FCHSD2: variants seen among roughly 807,000 people sequenced by gnomAD.
FCHSD2 encodes F-BAR and double SH3 domains protein 2.
FCHSD2 carries 38 observed loss-of-function variants against 108.1 expected under a neutral mutation model. The ratio of observed to expected loss-of-function variants is 0.35; its 90% CI spans 0.27 to 0.46. FCHSD2 has a LOEUF of 0.46. Among genes scored for constraint, FCHSD2 ranks in the 20% least tolerant of loss-of-function variants. The pLI is 1.00. For missense variants in FCHSD2, 751 were observed against 897.8 expected, an observed-to-expected ratio of 0.84 and a Z score of 2.09; for synonymous variants, 279 against 314.7, an observed-to-expected ratio of 0.89 and a Z score of 1.20.
At chr11:72,957,389 T>C (rs1337850465) in intron 8 of FCHSD2, among the ~76,000 whole-genome samples, 1 of 151,412 alleles carries the variant, frequency 6.6e-6, no homozygotes, top group Non-Finnish European at 1.5e-5. Context: ...CTGCATAGTA[T>C]TCCATGGTGT....
chr11:72,841,566 C>T lies in FCHSD2; in HGVS notation c.1944G>A (p.Lys648=). ...GCAGTGGAGGCAGGGAGGCGTGTGG[C>T]TTGGGGGAAGGAGAGATCTGCAGCA... ...MREIQISPSP[K]PHASLPPLPL... is the part of the protein sequence containing the mutation. Residue 648 remains lysine, a synonymous_variant, in exon 18 of 20, where the codon AAG becomes AAA. Coordinates refer to ENST00000409418, the MANE Select transcript of FCHSD2 (RefSeq NM_014824.3). 1.2e-6 allele frequency: 2 copies of T among 1,607,916 alleles called. No individual in the cohort carries two copies. Among genetic ancestry groups the T allele is most frequent in the East Asian group, 2.2e-5 (1 of 44,776 alleles).
At chr11:72,900,291 G>A in intron 10 of FCHSD2, 1 of 1,550,202 alleles carries the variant, frequency 6.5e-7, no homozygotes, top group African/African-American at 1.4e-5. Context: ...ACTGACAGGG[G>A]AGAGCTCAAT....
chr11:72,898,186 T>C (rs1013066336), intron 10 of FCHSD2, among the ~76,000 whole-genome samples: 3 of 152,242 alleles, frequency 2.0e-5, no homozygotes, highest in African/African-American at 7.2e-5. Flanking sequence ...ATTGGGTGTC[T>C]TGGACTTTTG....
chr11:72,947,134 TAAC>T (rs1202317022), intron 8 of FCHSD2, among the ~76,000 whole-genome samples: 5 of 152,238 alleles, frequency 3.3e-5, no homozygotes, highest in East Asian at 3.8e-4. Context: ...CAACATCTCT[TAAC>T]AACAATGCTG....
At chr11:72,945,006 C>T (rs1270279612) in intron 8 of FCHSD2, among the ~76,000 whole-genome samples, 2 of 152,186 alleles carry the variant, frequency 1.3e-5, no homozygotes, top group Non-Finnish European at 2.9e-5. Context: ...ATGCCATCCT[C>T]ATCAAGCTAC....
intron 6 of FCHSD2, 35 bp downstream of exon 6, chr11:72,988,929 C>A: frequency 6.4e-7 from 1 of 1,558,518 alleles, no homozygotes; most frequent in South Asian, 1.2e-5. Flanking sequence ...CATTTATTTG[C>A]ATAATAATTT....
chr11:72,957,685 A>G (rs7936863), intron 8 of FCHSD2, among the ~76,000 whole-genome samples: 151,629 of 151,976 alleles, frequency 1, 75,642 homozygotes, highest in Non-Finnish European at 1. Flanking sequence ...TGATTTGGAT[A>G]GCTAGGTAAG....
Position 72,890,473 on chromosome 11 carries a change from A to C in FCHSD2, c.925-528T>G, listed in dbSNP as rs374093062. Reference sequence around the variant, plus strand: ...GAGGTCCACCATCAACTTGCCACCAAACCTCAAAAGCCAGCTTTTGCTCTT... The same window carrying C: ...GAGGTCCACCATCAACTTGCCACCACACCTCAAAAGCCAGCTTTTGCTCTT... On this transcript the variant is annotated intron_variant, in intron 10 of 19. Transcript: ENST00000409418. Among the ~76,000 whole-genome samples the C allele has an allele frequency of 2.8e-4, 43 of 152,200 alleles. No homozygotes were observed. In the South Asian group the frequency reaches 8.1e-3, roughly 29 times the overall value.
intron 2 of FCHSD2, among the ~76,000 whole-genome samples, chr11:73,131,981 T>C (rs186277858): frequency 3.2e-4 from 49 of 152,318 alleles, no homozygotes; most frequent in Non-Finnish European, 6.0e-4. Flanking sequence ...CTGACATCCA[T>C]ATATTTCCAC....
chr11:73,068,832 AG>A (rs1274624513), intron 3 of FCHSD2, among the ~76,000 whole-genome samples: 88 of 147,490 alleles, frequency 6.0e-4, no homozygotes, highest in Non-Finnish European at 8.7e-4. Flanking sequence ...AAAAAAAAAA[AG>A]AAAAAGAAAA....
At chr11:72,922,695 C>T (rs1367505730) in intron 8 of FCHSD2, among the ~76,000 whole-genome samples, 1 of 151,896 alleles carries the variant, frequency 6.6e-6, no homozygotes, top group Admixed American at 6.6e-5. Context: ...GACATATACA[C>T]TAGCAATAAC....
chr11:72,885,861 C>T (rs2135242712), intron 12 of FCHSD2, among the ~76,000 whole-genome samples: 1 of 152,276 alleles, frequency 6.6e-6, no homozygotes, highest in Middle Eastern at 3.4e-3. Flanking sequence ...TCATTGTACA[C>T]CCTGCCCTCC....
chr11:72,951,045 G>C (rs1041345730), intron 8 of FCHSD2, among the ~76,000 whole-genome samples: 3 of 152,138 alleles, frequency 2.0e-5, no homozygotes, highest in Non-Finnish European at 4.4e-5. Context: ...AATGACACAG[G>C]TTTAGCCAGG....
At position 73,027,464 on chromosome 11, in the gene FCHSD2, T is replaced by C. The variant is rs539870164; in HGVS notation, c.166-11579A>G. Among the ~76,000 whole-genome samples the C allele has an allele frequency of 7.9e-5, 12 of 152,330 alleles. No homozygotes were observed. The East Asian group carries it at 2.3e-3, about 29-fold the overall frequency. On this transcript the variant is annotated intron_variant, in intron 3 of 19. Coordinates refer to ENST00000409418, the MANE Select transcript of FCHSD2 (RefSeq NM_014824.3). ...TGTAACCTGGCTTTTTCTGAAAGCA[T>C]ACAGTCATATCCAGTCATAAAGAGA...
In FCHSD2 at chr11:72,919,828, T is replaced by C. The variant is rs951642438; in HGVS notation, c.828+2000A>G. 2.0e-5 allele frequency among the ~76,000 whole-genome samples: 3 copies of C among 151,496 alleles called. No individual in the cohort carries two copies. In the Admixed American group the frequency reaches 2.0e-4, roughly 10 times the overall value. ...TAAAATTAGAATAAATGTCGTTGGA[T>C]TAAAAATACAATTTATAATAAAATT... is the stretch of plus-strand genomic sequence containing the variant. On this transcript the variant is annotated intron_variant, in intron 9 of 19. Transcript: ENST00000409418.
At chr11:73,015,758 G>T in intron 4 of FCHSD2, 51 bp downstream of exon 4, 1 of 1,135,572 alleles carries the variant, frequency 8.8e-7, no homozygotes, top group Non-Finnish European at 1.3e-6. Flanking sequence ...ATGTAACATA[G>T]CTTTAAGTAA....
In FCHSD2 at chr11:72,898,755, G is replaced by C. The variant is rs563527274; in HGVS notation, c.924+3788C>G. Among the ~76,000 whole-genome samples the C allele has an allele frequency of 4.7e-5, 7 of 149,938 alleles. No individual in the cohort carries two copies. The East Asian group carries it at 7.8e-4, about 17-fold the overall frequency. On this transcript the variant is annotated intron_variant, in intron 10 of 19. Transcript: ENST00000409418. ...TTTTTTTTTTTTTTTTTAAAGACAGGGTCTTGCTCTGTCACCCAGGATGGA... is the reference window on the plus strand; with the variant it reads ...TTTTTTTTTTTTTTTTTAAAGACAGCGTCTTGCTCTGTCACCCAGGATGGA...
Position 73,142,036 on chromosome 11 carries a change from G to C in FCHSD2, c.-159C>G. 3.0e-6 allele frequency: 2 copies of C among 656,724 alleles called. No homozygotes were observed. The highest frequency in any genetic ancestry group is 5.1e-6 in the Non-Finnish European group (2 of 395,892). The allele number at this position is 656,724 out of a possible 1,614,324, so 40.7% of individuals were successfully genotyped here. A position where few individuals can be genotyped will look rare whatever the true frequency, so the allele number is the denominator to read the frequency against. On this transcript the variant is annotated 5_prime_UTR_variant, in exon 1 of 20. Transcript: ENST00000409418. ...CCCCGGAGGGAGCAGGCCAGCGGGC[G>C]GCAGGCGGACCCCAGCCAGAGAGCG... is the stretch of plus-strand genomic sequence containing the variant.
chr11:72,903,240 C>T (rs745313133), intron 9 of FCHSD2, among the ~76,000 whole-genome samples: 60 of 151,240 alleles, frequency 4.0e-4, no homozygotes, highest in Middle Eastern at 6.8e-3. Flanking sequence ...TTTTTTGAGA[C>T]GAGTCTCGCT....
Sources: allele counts gnomAD v4.1 joint callset (sites outside exome capture counted in the v4.1 genomes callset), GRCh38; gene constraint gnomAD v4.1.1; transcripts MANE v1.5; gene names NCBI Gene and HGNC (gene_info 2026-07-23, HGNC 2026-07-21).